The following ACKR3 variants were observed in gnomAD, a reference collection of about 807,000 sequenced individuals.
ACKR3 encodes atypical chemokine receptor 3.
Under a neutral mutation model 22.4 loss-of-function variants are expected in ACKR3, and 6 were observed. The observed-to-expected ratio is 0.27, with a 90% CI of 0.15 to 0.53. The LOEUF is 0.53. Ranked by LOEUF, ACKR3 falls within the 20% of genes least tolerant of loss-of-function variation. The probability of loss-of-function intolerance (pLI) is 0.96; values close to 1 mark genes in which losing one functional copy is unlikely to be tolerated. For missense variants in ACKR3, 396 were observed against 475.2 expected, an observed-to-expected ratio of 0.83 and a Z score of 1.55; for synonymous variants, 209 against 205.2, an observed-to-expected ratio of 1.02 and a Z score of -0.16.
rs1691367914 is a variant in ACKR3, at chr2:236,574,462, A to C, written c.-27+4538A>C. 6.6e-6 allele frequency among the ~76,000 whole-genome samples: 1 copy of C among 152,098 alleles called. No individual in the cohort carries two copies. Among genetic ancestry groups the C allele is most frequent in the Non-Finnish European group, 1.5e-5 (1 of 68,016 alleles). ...AAGCCATTCCAGAATAGAGATGTGC[A>C]GTGTGGGGCCAGGAGAAGGTGGGAG... On this transcript the variant is annotated intron_variant, in intron 1 of 1. Coordinates refer to ENST00000272928, the MANE Select transcript of ACKR3 (RefSeq NM_020311.3). This position sits in a 1 kb window ranked among gnomAD's most constrained non-coding sequence, Gnocchi z 5.6.
At chr2:236,548,985 C>T in the ACKR3 span, among the ~76,000 whole-genome samples, 13 of 152,046 alleles carry the variant, frequency 8.6e-5, no homozygotes, top group African/African-American at 3.1e-4. This position sits in a 1 kb window ranked among gnomAD's most constrained non-coding sequence, Gnocchi z 4.3. Flanking sequence ...ATCTTTTGGT[C>T]GAAAATTGGC....
chr2:236,543,584 T>C, the ACKR3 span, among the ~76,000 whole-genome samples: 2 of 152,078 alleles, frequency 1.3e-5, no homozygotes, highest in South Asian at 4.2e-4. Flanking sequence ...ATGTATACCA[T>C]GGGTAAAGAG....
At chr2:236,544,756 C>T in the ACKR3 span, among the ~76,000 whole-genome samples, 2 of 152,174 alleles carry the variant, frequency 1.3e-5, no homozygotes, top group African/African-American at 4.8e-5. The surrounding 1 kb of genome is among the most constrained non-coding windows in gnomAD (Gnocchi z 5.0). Context: ...TAATGACTGG[C>T]TCAGACCAGG....
chr2:236,550,625 T>C, the ACKR3 span, among the ~76,000 whole-genome samples: 1 of 152,108 alleles, frequency 6.6e-6, no homozygotes, highest in Non-Finnish European at 1.5e-5. This position sits in a 1 kb window ranked among gnomAD's most constrained non-coding sequence, Gnocchi z 4.6. Flanking sequence ...TCTCCCTCAG[T>C]CACCTGGGGA....
In ACKR3 at chr2:236,574,995, G is replaced by C. The variant is rs192425071; in HGVS notation, c.-27+5071G>C. 2.0e-5 allele frequency among the ~76,000 whole-genome samples: 3 copies of C among 152,240 alleles called. No individual in the cohort carries two copies. The highest frequency in any genetic ancestry group is 2.0e-4 in the Admixed American group (3 of 15,298). On this transcript the variant is annotated intron_variant, in intron 1 of 1. Transcript: ENST00000272928. The surrounding 1 kb of genome is among the most constrained non-coding windows in gnomAD (Gnocchi z 5.6). The stretch of plus-strand genomic sequence containing the variant: ...CTCCCTGTCACTGCAACGTGCGACA[G>C]GGCCGCTAAAAAGGTGACCCCTGTA...
At chr2:236,558,292 T>C in the ACKR3 span, among the ~76,000 whole-genome samples, 23 of 152,200 alleles carry the variant, frequency 1.5e-4, no homozygotes, top group African/African-American at 5.3e-4. Context: ...GTTAATGACA[T>C]GCTAATGAAG....
intron 1 of ACKR3, among the ~76,000 whole-genome samples, chr2:236,578,079 G>T (rs1318325985): frequency 6.6e-6 from 1 of 152,204 alleles, no homozygotes; most frequent in East Asian, 1.9e-4. Flanking sequence ...AGCCATGTGG[G>T]GAGAGCAAAG....
chr2:236,553,703 G>A, the ACKR3 span, among the ~76,000 whole-genome samples: 7 of 152,276 alleles, frequency 4.6e-5, no homozygotes, highest in South Asian at 2.1e-4. Flanking sequence ...CCCGCCATGC[G>A]GGAGGGGCAC....
chr2:236,557,490 T>G, the ACKR3 span, among the ~76,000 whole-genome samples: 5 of 152,124 alleles, frequency 3.3e-5, no homozygotes, highest in Admixed American at 6.5e-5. Flanking sequence ...GAGGAAGTAT[T>G]CAAAGAATGA....
At chr2:236,550,889 C>T in the ACKR3 span, among the ~76,000 whole-genome samples, 5 of 152,176 alleles carry the variant, frequency 3.3e-5, no homozygotes, top group Admixed American at 6.5e-5. This position sits in a 1 kb window ranked among gnomAD's most constrained non-coding sequence, Gnocchi z 4.6. Context: ...GCTGCCCCGG[C>T]TGGGTGGCTG....
chr2:236,573,094 C>T (rs1691340810), intron 1 of ACKR3, among the ~76,000 whole-genome samples: 1 of 152,150 alleles, frequency 6.6e-6, no homozygotes, highest in African/African-American at 2.4e-5. Context: ...AGAGAGTCTG[C>T]CTGGGCCAAA....
intron 1 of ACKR3, among the ~76,000 whole-genome samples, chr2:236,576,913 A>G (rs1286584186): frequency 6.6e-6 from 1 of 152,196 alleles, no homozygotes; most frequent in Non-Finnish European, 1.5e-5. Flanking sequence ...TCCCATTTGA[A>G]TTTGCAGAGG....
At chr2:236,568,268 C>T (rs974448395), upstream of ACKR3, among the ~76,000 whole-genome samples, 1 of 152,238 alleles carries the variant, frequency 6.6e-6, no homozygotes, top group Non-Finnish European at 1.5e-5. Context: ...GCTACAGCCA[C>T]AGAAAGCGGA....
chr2:236,564,055 GA>G (rs1310647932), upstream of ACKR3, among the ~76,000 whole-genome samples: 8 of 152,174 alleles, frequency 5.3e-5, no homozygotes, highest in Non-Finnish European at 1.2e-4. Context: ...GGACCGAAAG[GA>G]AAACTCCACC....
chr2:236,548,656 CG>C, the ACKR3 span, among the ~76,000 whole-genome samples: 26 of 152,174 alleles, frequency 1.7e-4, no homozygotes, highest in Non-Finnish European at 3.7e-4. This position sits in a 1 kb window ranked among gnomAD's most constrained non-coding sequence, Gnocchi z 4.3. Context: ...GTAAACCTTA[CG>C]GGCAAGAGTT....
the ACKR3 span, among the ~76,000 whole-genome samples, chr2:236,538,283 C>T: frequency 6.6e-6 from 1 of 152,124 alleles, no homozygotes; most frequent in African/African-American, 2.4e-5. Flanking sequence ...TTAGATGTCT[C>T]CTGAAAAGAA....
rs1214970252 is a variant in ACKR3 at position 236,577,702 on chromosome 2, A to G, written c.-26-2738A>G. On this transcript the variant is annotated intron_variant, in intron 1 of 1. Transcript: ENST00000272928. The surrounding 1 kb of genome is among the most constrained non-coding windows in gnomAD (Gnocchi z 5.6). ...AGACCTGAGCCAGAGGAATGTCACC[A>G]TGGTGGGGGAGAGAGGTGGGGCGGA... Among the ~76,000 whole-genome samples, 1 of 152,108 alleles carries G rather than the reference A, an allele frequency of 6.6e-6. No homozygotes were observed. Among genetic ancestry groups the G allele is most frequent in the Non-Finnish European group, 1.5e-5 (1 of 68,008 alleles).
At chr2:236,565,915 C>T (rs916790191), upstream of ACKR3, among the ~76,000 whole-genome samples, 1 of 152,134 alleles carries the variant, frequency 6.6e-6, no homozygotes, top group Non-Finnish European at 1.5e-5. Flanking sequence ...CCTGCCATGC[C>T]CAGCTACCAG....
chr2:236,551,143 C>T, the ACKR3 span, among the ~76,000 whole-genome samples: 4 of 152,244 alleles, frequency 2.6e-5, no homozygotes, highest in Non-Finnish European at 4.4e-5. Flanking sequence ...GAGGGCAGGG[C>T]TGGGAGGAAC....
Sources: gnomAD v4.1 joint callset for allele counts (sites outside exome capture counted in the v4.1 genomes callset) on GRCh38, gnomAD v4.1.1 for gene constraint, Gnocchi (gnomAD v3.1) non-coding constraint, MANE v1.5 for transcripts, NCBI Gene and HGNC (gene_info 2026-07-23, HGNC 2026-07-21) for gene names.